The following ARHGAP32 variants were observed in gnomAD, a reference collection of about 807,000 sequenced individuals.
The protein encoded by ARHGAP32 is Rho GTPase activating protein 32.
A neutral mutation model predicts 186.5 loss-of-function variants in ARHGAP32; 51 were observed. The ratio of observed to expected loss-of-function variants is 0.27; its 90% CI spans 0.22 to 0.35. The LOEUF (loss-of-function observed/expected upper bound fraction) is 0.35, where lower values mean the gene tolerates loss of function less well. ARHGAP32 is among the 10% of genes least tolerant of loss of function. ARHGAP32 has a pLI of 1.00. For synonymous variants in ARHGAP32, 950 were observed against 964.3 expected, an observed-to-expected ratio of 0.99 and a Z score of 0.27; for missense variants, 2,186 against 2,623.5, an observed-to-expected ratio of 0.83 and a Z score of 3.64.
chr11:129,200,560 C>T (rs896745279), intron 1 of ARHGAP32, among the ~76,000 whole-genome samples: 4 of 152,024 alleles, frequency 2.6e-5, no homozygotes, highest in Non-Finnish European at 5.9e-5. Flanking sequence ...TGAGGCCTCC[C>T]GAGCCACATA....
At chr11:129,004,227 T>C (rs1475383317) in intron 11 of ARHGAP32, among the ~76,000 whole-genome samples, 2 of 150,738 alleles carry the variant, frequency 1.3e-5, no homozygotes, top group South Asian at 2.1e-4. Flanking sequence ...AGATGCCTGA[T>C]ATCACTTCAA....
intron 10 of ARHGAP32, among the ~76,000 whole-genome samples, chr11:129,050,635 T>A (rs1347372071): frequency 6.6e-6 from 1 of 152,210 alleles, no homozygotes; most frequent in East Asian, 1.9e-4. Flanking sequence ...AAAGTTTTTT[T>A]AAAAAAATTA....
At position 129,189,340 on chromosome 11, in the gene ARHGAP32, G is replaced by A. The variant is rs576060609; in HGVS notation, c.116+2743C>T. 5.3e-5 allele frequency among the ~76,000 whole-genome samples: 8 copies of A among 152,198 alleles called. No homozygotes were observed. The South Asian group carries it at 6.2e-4, about 12-fold the overall frequency. ...CTCTCTGAGCCATAAATTCCTCACC[G>A]AGGAAATAGGAAAAATGATACCTGC... On this transcript the variant is annotated intron_variant, in intron 1 of 22. Transcript: ENST00000682385.
intron 1 of ARHGAP32, among the ~76,000 whole-genome samples, chr11:129,181,785 C>T (rs1482511061): frequency 6.6e-6 from 1 of 152,052 alleles, no homozygotes; most frequent in African/African-American, 2.4e-5. Context: ...ATATGTATTA[C>T]AATTGAACCA....
intron 1 of ARHGAP32, among the ~76,000 whole-genome samples, chr11:129,256,251 T>G (rs1187335554): frequency 2.0e-5 from 3 of 152,108 alleles, no homozygotes; most frequent in Non-Finnish European, 2.9e-5. Flanking sequence ...GAGTTGAATA[T>G]GTATGTTCTA....
rs981089941 is a variant in ARHGAP32, at chr11:128,968,212, G to A, written c.*695C>T. 6.6e-6 allele frequency: 1 copy of A among 152,104 alleles called. No individual in the cohort carries two copies. Among genetic ancestry groups the A allele is most frequent in the Non-Finnish European group, 1.5e-5 (1 of 68,018 alleles). 9.4% of individuals were successfully genotyped at this position (152,104 alleles called of 1,614,324 possible). A position where few individuals can be genotyped will look rare whatever the true frequency, so the allele number is the denominator to read the frequency against. ...ATGAGCCTGTTCACTGAACCGTGAG[G>A]AACAAGGATGAAAAATAAGAATAGA... On this transcript the variant is annotated 3_prime_UTR_variant, in exon 23 of 23. Coordinates refer to ENST00000682385, the MANE Select transcript of ARHGAP32 (RefSeq NM_001378024.1).
At chr11:129,208,293 T>C (rs1944540718) in intron 1 of ARHGAP32, among the ~76,000 whole-genome samples, 1 of 152,174 alleles carries the variant, frequency 6.6e-6, no homozygotes. Context: ...AAGATTTAAC[T>C]GTAACAGGCT....
At chr11:129,198,212 T>C (rs1421741071) in intron 1 of ARHGAP32, among the ~76,000 whole-genome samples, 1 of 152,218 alleles carries the variant, frequency 6.6e-6, no homozygotes, top group Non-Finnish European at 1.5e-5. Context: ...ATCATCACCA[T>C]TGCAAGGATA....
chr11:129,046,250 G>A (rs1034234576), intron 10 of ARHGAP32, among the ~76,000 whole-genome samples: 5 of 152,198 alleles, frequency 3.3e-5, no homozygotes, highest in Admixed American at 1.3e-4. Flanking sequence ...AACTTCAAGA[G>A]CATAAATGGT....
intron 10 of ARHGAP32, among the ~76,000 whole-genome samples, chr11:129,051,953 CAAAAAAAAAAAAAAA>C (rs36014500): frequency 1.4e-5 from 1 of 71,138 alleles, no homozygotes; most frequent in African/African-American, 5.8e-5. Flanking sequence ...GATTCTGTCT[CAAAAAAAAAAAAAAA>C]AAAAAAAAAA....
chr11:129,129,754 T>C (rs1241779822), intron 2 of ARHGAP32, among the ~76,000 whole-genome samples: 1 of 152,228 alleles, frequency 6.6e-6, no homozygotes, highest in African/African-American at 2.4e-5. Context: ...TAATTCACAC[T>C]GCTACCAAGT....
intron 2 of ARHGAP32, among the ~76,000 whole-genome samples, chr11:129,150,699 C>T (rs769650645): frequency 6.6e-6 from 1 of 152,042 alleles, no homozygotes; most frequent in African/African-American, 2.4e-5. Context: ...GCCAGCACTA[C>T]AAGAAATGCT....
At chr11:129,235,007 T>C (rs1294640687) in intron 1 of ARHGAP32, among the ~76,000 whole-genome samples, 1 of 152,202 alleles carries the variant, frequency 6.6e-6, no homozygotes, top group African/African-American at 2.4e-5. Context: ...AAAACAACTT[T>C]ACAAATTTAA....
intron 2 of ARHGAP32, among the ~76,000 whole-genome samples, chr11:129,126,855 G>T (rs578041346): frequency 6.6e-5 from 10 of 152,188 alleles, no homozygotes; most frequent in Non-Finnish European, 1.5e-4. Context: ...AAAAAAAAGT[G>T]AAAGTGTGAC....
intron 10 of ARHGAP32, among the ~76,000 whole-genome samples, chr11:129,061,511 C>A (rs1238170041): frequency 6.6e-6 from 1 of 152,074 alleles, no homozygotes; most frequent in African/African-American, 2.4e-5. Flanking sequence ...AACTAATAAT[C>A]GACTAAAACA....
chr11:129,176,575 T>A (rs979710397), intron 1 of ARHGAP32, among the ~76,000 whole-genome samples: 2 of 149,932 alleles, frequency 1.3e-5, no homozygotes, highest in Non-Finnish European at 3.0e-5. Context: ...ACACAAATTA[T>A]AACAAACTAT....
chr11:129,052,606 C>A (rs1487632167), intron 10 of ARHGAP32, among the ~76,000 whole-genome samples: 11 of 146,136 alleles, frequency 7.5e-5, no homozygotes, highest in Non-Finnish European at 1.7e-4. Context: ...TCTTTCACAT[C>A]TTTTTTTTTT....
At chr11:129,170,141 C>T (rs1393480486) in intron 1 of ARHGAP32, among the ~76,000 whole-genome samples, 1 of 151,284 alleles carries the variant, frequency 6.6e-6, no homozygotes, top group Non-Finnish European at 1.5e-5. Flanking sequence ...AAAATCAAGC[C>T]CTATAATTGA....
intron 20 of ARHGAP32, 66 bp downstream of exon 20, chr11:128,976,497 A>G: frequency 7.9e-7 from 1 of 1,260,168 alleles, no homozygotes; most frequent in East Asian, 2.3e-5. Context: ...ATAAAAATAT[A>G]CTCAATTGCA....
Sources: gnomAD v4.1 joint callset for allele counts (sites outside exome capture counted in the v4.1 genomes callset) on GRCh38, gnomAD v4.1.1 for gene constraint, MANE v1.5 for transcripts, NCBI Gene and HGNC (gene_info 2026-07-23, HGNC 2026-07-21) for gene names.